ARSG: variants seen among roughly 807,000 people sequenced by gnomAD.
ARSG encodes the protein ASG.
ARSG carries 37 observed loss-of-function variants against 50.5 expected under a neutral mutation model. The observed-to-expected ratio is 0.73, with a 90% CI of 0.56 to 0.96. ARSG has a LOEUF of 0.96. Among genes scored for constraint, ARSG ranks in the 50% least tolerant of loss-of-function variants. ARSG has a pLI of 0.00. For synonymous variants in ARSG, 225 were observed against 254.6 expected (o/e 0.88, Z 1.11); for missense variants, 629 against 675.3 (o/e 0.93, Z 0.76).
rs557261279 is a variant in ARSG, at chr17:68,368,146, G to C, written c.705-402G>C. ...GGATGCTGCAAAATAAAATTTAAAG[G>C]TGTGTGTGTGTGCCTTAGACTTTAC... On this transcript the variant is annotated intron_variant, in intron 6 of 11. Coordinates refer to ENST00000621439, the MANE Select transcript of ARSG (RefSeq NM_001267727.2). Among the ~76,000 whole-genome samples, 7 of 152,008 alleles carry C rather than the reference G, an allele frequency of 4.6e-5. No individual in the cohort carries two copies. In the East Asian group the frequency reaches 9.6e-4, roughly 21 times the overall value.
chr17:68,299,396 C>T (rs1021482661), intron 1 of ARSG, among the ~76,000 whole-genome samples: 17 of 151,904 alleles, frequency 1.1e-4, no homozygotes, highest in African/African-American at 3.1e-4. Flanking sequence ...TGAGCCACCG[C>T]GCCTAGCTGA....
chr17:68,278,008 C>T lies in ARSG; in HGVS notation c.-552+18582C>T, dbSNP rs573622082. ...TATAAGGGAATGAAAGCATCACAAACACATCGACTACCATTACCAAGGTAG... is the reference window on the plus strand; with the variant it reads ...TATAAGGGAATGAAAGCATCACAAATACATCGACTACCATTACCAAGGTAG... On this transcript the variant is annotated intron_variant, in intron 1 of 11. Transcript: ENST00000448504. 21 of 890,980 alleles carry T rather than the reference C, an allele frequency of 2.4e-5. No individual in the cohort carries two copies. In the African/African-American group the frequency reaches 3.2e-4, roughly 14 times the overall value. 55.2% of individuals were successfully genotyped at this position (890,980 alleles called of 1,614,324 possible).
chr17:68,413,758 T>C (rs1304503166), intron 11 of ARSG: 2 of 160,724 alleles, frequency 1.2e-5, no homozygotes, highest in Admixed American at 1.3e-4. Context: ...GTGCTAGCAA[T>C]CAGCGAGACT....
intron 1 of ARSG, chr17:68,269,028 T>C (rs1250011332): frequency 6.3e-7 from 1 of 1,593,138 alleles, no homozygotes; most frequent in African/African-American, 1.4e-5. Flanking sequence ...TCTGCCTCCT[T>C]GTGTCCCCGT....
chr17:68,277,926 C>T (rs1164285670), intron 1 of ARSG, among the ~76,000 whole-genome samples: 1 of 152,108 alleles, frequency 6.6e-6, no homozygotes, highest in Non-Finnish European at 1.5e-5. Flanking sequence ...TTGTTTCTTG[C>T]CAATCCTCAA....
At chr17:68,444,306 C>A in the ARSG span, among the ~76,000 whole-genome samples, 1 of 152,168 alleles carries the variant, frequency 6.6e-6, no homozygotes, top group Non-Finnish European at 1.5e-5. Flanking sequence ...ACACAGCCCC[C>A]CTGCAGGACA....
intron 8 of ARSG, among the ~76,000 whole-genome samples, chr17:68,372,264 A>C (rs34367162): frequency 1.3e-5 from 2 of 151,802 alleles, no homozygotes; most frequent in Admixed American, 1.3e-4. Flanking sequence ...GTTCTATCTA[A>C]CTGTCATCTA....
At chr17:68,283,423 A>G (rs1568416748) in intron 1 of ARSG, among the ~76,000 whole-genome samples, 1 of 151,702 alleles carries the variant, frequency 6.6e-6, no homozygotes, top group Admixed American at 6.6e-5. Context: ...CCGGAGGCTG[A>G]GGCAGGAGAA....
chr17:68,417,904 A>G (rs1040729260), intron 11 of ARSG, among the ~76,000 whole-genome samples: 2 of 151,064 alleles, frequency 1.3e-5, no homozygotes, highest in African/African-American at 4.9e-5. Context: ...ATAATTTTTT[A>G]TATTTTTAGT....
At chr17:68,295,810 G>T (rs1461589601) in intron 1 of ARSG, among the ~76,000 whole-genome samples, 2 of 150,344 alleles carry the variant, frequency 1.3e-5, no homozygotes, top group Non-Finnish European at 2.9e-5. Context: ...CTCCCAAGTA[G>T]CTGGGACTAC....
chr17:68,395,256 C>T, intron 10 of ARSG, 63 bp downstream of exon 10: 2 of 1,597,350 alleles, frequency 1.3e-6, no homozygotes, highest in East Asian at 2.3e-5. Context: ...CTGCCTCTCA[C>T]CTCTGTGCAG....
intron 1 of ARSG, among the ~76,000 whole-genome samples, chr17:68,299,060 C>G (rs1352279410): frequency 6.6e-6 from 1 of 150,842 alleles, no homozygotes; most frequent in African/African-American, 2.4e-5. Flanking sequence ...GAGAAAGTTT[C>G]CTATTCTCAT....
At chr17:68,429,566 C>T in the ARSG span, among the ~76,000 whole-genome samples, 1,029 of 152,166 alleles carry the variant, frequency 6.8e-3, 5 homozygotes, top group African/African-American at 0.019. Context: ...GGTTTGATTC[C>T]GCTCACCCTT....
chr17:68,320,021 T>A (rs552015152), intron 2 of ARSG, among the ~76,000 whole-genome samples: 2 of 151,476 alleles, frequency 1.3e-5, no homozygotes, highest in Non-Finnish European at 2.9e-5. Flanking sequence ...GTGCGGTGGC[T>A]GACGCCTGTA....
chr17:68,444,638 C>A, the ARSG span: 1 of 1,491,186 alleles, frequency 6.7e-7, no homozygotes, highest in Non-Finnish European at 9.2e-7. Flanking sequence ...CTTACAAAGA[C>A]CCTGACCAAA....
intron 8 of ARSG, among the ~76,000 whole-genome samples, chr17:68,377,152 G>A (rs6501404): frequency 0.49 from 74,649 of 151,886 alleles, 19,337 homozygotes; most frequent in African/African-American, 0.65. Context: ...GTGAGCCACC[G>A]TGCTTGGCCG....
At chr17:68,388,461 C>T (rs1001307529) in intron 9 of ARSG, among the ~76,000 whole-genome samples, 4 of 152,076 alleles carry the variant, frequency 2.6e-5, no homozygotes, top group Admixed American at 6.6e-5. Context: ...CTGAGAACTA[C>T]GGCTTTAGCG....
At chr17:68,403,863 C>G (rs917796499) in intron 11 of ARSG, among the ~76,000 whole-genome samples, 15 of 152,066 alleles carry the variant, frequency 9.9e-5, no homozygotes, top group African/African-American at 3.6e-4. Flanking sequence ...CCCCCCTCAC[C>G]CCACCCCACG....
chr17:68,356,577 T>C (rs2079040995), intron 5 of ARSG, 90 bp from the exon 6 acceptor site: 3 of 1,443,162 alleles, frequency 2.1e-6, no homozygotes, highest in Non-Finnish European at 2.9e-6. Flanking sequence ...GTTGTATTTA[T>C]GTGCATATGC....
Sources: gnomAD v4.1 joint callset for allele counts (sites outside exome capture counted in the v4.1 genomes callset) on GRCh38, gnomAD v4.1.1 for gene constraint, MANE v1.5 for transcripts, NCBI Gene and HGNC (gene_info 2026-07-23, HGNC 2026-07-21) for gene names.